The following CDH19 variants were observed in gnomAD, a reference collection of about 807,000 sequenced individuals.
CDH19 encodes cadherin 19.
A neutral mutation model predicts 64.2 loss-of-function variants in CDH19; 67 were observed. The ratio of observed to expected loss-of-function variants is 1.04; its 90% CI spans 0.86 to 1.28. The LOEUF (loss-of-function observed/expected upper bound fraction) is 1.28. Among genes scored for constraint, CDH19 ranks in the 50% most tolerant of loss-of-function variants. The pLI is 0.00. For synonymous variants in CDH19, 346 were observed against 319.3 expected (o/e 1.08, Z -0.89); for missense variants, 1,030 against 929.0 (o/e 1.11, Z -1.41).
intron 1 of CDH19, among the ~76,000 whole-genome samples, chr18:66,602,582 T>A (rs1989064149): frequency 1.3e-5 from 2 of 151,930 alleles, no homozygotes; most frequent in South Asian, 4.1e-4. Context: ...TGTGTGTGCC[T>A]AAAATTATAA....
chr18:66,568,537 A>G lies in CDH19; in HGVS notation c.369T>C (p.Ala123=). 6.2e-7 allele frequency: 1 copy of G among 1,612,374 alleles called. No homozygotes were observed. Among genetic ancestry groups the G allele is most frequent in the Non-Finnish European group, 8.5e-7 (1 of 1,178,960 alleles). ...YILRAQVIDI[A]TGRAVEPESE... ...ACTCAGGTTCCACAGCCCTTCCAGT[A>G]GCGATGTCTATTACCTGGGCTCTTA... Residue 123 remains alanine (A), a synonymous_variant, in exon 3 of 12, where the codon GCT becomes GCC. Coordinates refer to ENST00000262150, the MANE Select transcript of CDH19 (RefSeq NM_021153.4).
intron 9 of CDH19, among the ~76,000 whole-genome samples, chr18:66,514,761 C>T (rs1402928250): frequency 6.6e-6 from 1 of 151,264 alleles, no homozygotes; most frequent in African/African-American, 2.4e-5. Flanking sequence ...ACACATGGGC[C>T]AGTTTACTAA....
intron 1 of CDH19, among the ~76,000 whole-genome samples, chr18:66,597,031 G>A (rs1233512066): frequency 5.7e-5 from 7 of 122,456 alleles, no homozygotes; most frequent in African/African-American, 1.5e-4. Flanking sequence ...GCAGTGAGCC[G>A]AGATCCCGCC....
At chr18:66,561,448 C>A (rs74944390) in intron 3 of CDH19, among the ~76,000 whole-genome samples, 1 of 152,008 alleles carries the variant, frequency 6.6e-6, no homozygotes, top group East Asian at 1.9e-4. Context: ...ATTGCCACAG[C>A]CTTAAGTCCT....
intron 1 of CDH19, among the ~76,000 whole-genome samples, chr18:66,594,587 C>T (rs1005754688): frequency 4.6e-5 from 7 of 151,852 alleles, no homozygotes; most frequent in African/African-American, 1.7e-4. Flanking sequence ...AGTGCAATAA[C>T]AATAAAAATA....
chr18:66,602,489 T>C (rs1320737411), intron 1 of CDH19, among the ~76,000 whole-genome samples: 1 of 151,880 alleles, frequency 6.6e-6, no homozygotes, highest in Non-Finnish European at 1.5e-5. Context: ...AAATGTACCT[T>C]ACAAACATTC....
At chr18:66,574,142 T>C (rs898182614) in intron 1 of CDH19, among the ~76,000 whole-genome samples, 38 of 151,870 alleles carry the variant, frequency 2.5e-4, no homozygotes, top group African/African-American at 9.2e-4. Context: ...TCCGTTTATA[T>C]GCTGAAGAGT....
At chr18:66,600,271 T>G (rs1413177383) in intron 1 of CDH19, among the ~76,000 whole-genome samples, 1 of 151,832 alleles carries the variant, frequency 6.6e-6, no homozygotes, top group African/African-American at 2.4e-5. Context: ...AGGGATGATG[T>G]TTTATATAAA....
chr18:66,544,157 T>G lies in CDH19; in HGVS notation c.1028A>C (p.Glu343Ala). 6.2e-7 allele frequency: 1 copy of G among 1,613,888 alleles called. No individual in the cohort carries two copies. Among genetic ancestry groups the G allele is most frequent in the Non-Finnish European group, 8.5e-7 (1 of 1,179,800 alleles). Residue 343 changes from glutamate (E) to alanine (A), a missense_variant, in exon 7 of 12, where the codon GAG (glutamate) becomes GCG (alanine). Glu to Ala is a moderately radical substitution (Grantham distance 107). Coordinates refer to ENST00000262150, the MANE Select transcript of CDH19 (RefSeq NM_021153.4). ...CTCAGTGTGGTACTTCATGAGCTGCTCAGGAACATGATGGTTTTTAACTTT... is the reference window on the plus strand; with the variant it reads ...CTCAGTGTGGTACTTCATGAGCTGCGCAGGAACATGATGGTTTTTAACTTT... ...RAKVKNHHVP[E>A]QLMKYHTEAS...
chr18:66,598,811 A>C (rs75146091), intron 1 of CDH19, among the ~76,000 whole-genome samples: 2 of 152,254 alleles, frequency 1.3e-5, no homozygotes, highest in African/African-American at 4.8e-5. Flanking sequence ...ACAAGCTAGC[A>C]CATGTACCCC....
chr18:66,579,209 C>T (rs1325326499), intron 1 of CDH19, among the ~76,000 whole-genome samples: 1 of 151,912 alleles, frequency 6.6e-6, no homozygotes. Flanking sequence ...AGACAACTAA[C>T]CGTGGAACAA....
At chr18:66,555,843 T>C (rs1314607724) in intron 3 of CDH19, among the ~76,000 whole-genome samples, 2 of 151,820 alleles carry the variant, frequency 1.3e-5, no homozygotes, top group African/African-American at 4.8e-5. Context: ...TTATCCCACA[T>C]TTCCTCATTA....
chr18:66,565,483 T>C (rs558890246), intron 3 of CDH19, among the ~76,000 whole-genome samples: 1 of 152,054 alleles, frequency 6.6e-6, no homozygotes, highest in South Asian at 2.1e-4. Flanking sequence ...ATGTTTGCAA[T>C]AGTTGTTTTT....
chr18:66,601,596 G>A (rs1989038476), intron 1 of CDH19, among the ~76,000 whole-genome samples: 1 of 151,868 alleles, frequency 6.6e-6, no homozygotes, highest in African/African-American at 2.4e-5. Flanking sequence ...AGACATACTT[G>A]GATGATTCTG....
intron 11 of CDH19, among the ~76,000 whole-genome samples, chr18:66,505,883 CATT>C (rs1368198352): frequency 6.6e-6 from 1 of 151,750 alleles, no homozygotes; most frequent in Admixed American, 6.6e-5. Flanking sequence ...TTGTGAAAGT[CATT>C]ATATTATTAT....
intron 1 of CDH19, among the ~76,000 whole-genome samples, chr18:66,576,114 G>GA (rs551065176): frequency 8.2e-4 from 124 of 150,432 alleles, no homozygotes; most frequent in African/African-American, 2.9e-3. Context: ...TCAATCTAAA[G>GA]AAAAAATAAA....
At chr18:66,524,540 GTGTATA>G (rs911385166) in intron 9 of CDH19, among the ~76,000 whole-genome samples, 5 of 72,254 alleles carry the variant, frequency 6.9e-5, no homozygotes, top group African/African-American at 3.0e-4. Flanking sequence ...GTATGTTTGT[GTGTATA>G]TATATATATA....
At chr18:66,532,272 T>C (rs1986477101) in intron 8 of CDH19, 1 of 140,866 alleles carries the variant, frequency 7.1e-6, no homozygotes. Context: ...GGGCCTCTCT[T>C]TTTCATAAAA....
intron 1 of CDH19, among the ~76,000 whole-genome samples, chr18:66,582,811 G>T (rs551934683): frequency 6.6e-6 from 1 of 151,976 alleles, no homozygotes; most frequent in South Asian, 2.1e-4. Context: ...TTTTGGGCTG[G>T]ATATCATGAA....
Sources: gnomAD v4.1 joint callset for allele counts (sites outside exome capture counted in the v4.1 genomes callset) on GRCh38, gnomAD v4.1.1 for gene constraint, MANE v1.5 for transcripts, NCBI Gene and HGNC (gene_info 2026-07-23, HGNC 2026-07-21) for gene names.